SUGCT: variants seen among roughly 807,000 people sequenced by gnomAD.
SUGCT encodes the protein succinyl-CoA:glutarate CoA-transferase.
In SUGCT, 41 loss-of-function variants were observed where a neutral mutation model predicts 55.0. The observed-to-expected ratio is 0.74, with a 90% CI of 0.58 to 0.97. SUGCT has a LOEUF of 0.97. SUGCT is among the 50% of genes least tolerant of loss of function. The probability of loss-of-function intolerance (pLI) is 0.00; values close to 1 mark genes in which losing one functional copy is unlikely to be tolerated. For missense variants in SUGCT, 568 were observed against 547.8 expected (o/e 1.04, Z -0.37); for synonymous variants, 187 against 200.4 (o/e 0.93, Z 0.56).
rs1251264233 is a variant in SUGCT at position 40,274,598 on chromosome 7, T to C, written c.662T>C (p.Ile221Thr). 3 of 1,613,778 alleles carry C rather than the reference T, an allele frequency of 1.9e-6. No homozygotes were observed. Among genetic ancestry groups the C allele is most frequent in the Non-Finnish European group, 2.5e-6 (3 of 1,179,764 alleles). ...TATGGAGCTATTATGGCTGGATTGA[T>C]ACAAAAATACAAAACTGGGAAAGGA... ...YAYGAIMAGL[I>T]QKYKTGKGLF... The change falls in exon 8 of 14, where the codon ATA becomes ACA. Residue 221 changes from isoleucine (I) to threonine (T), a missense_variant. Ile to Thr is a moderately conservative substitution (Grantham distance 89, BLOSUM62 -1). Coordinates refer to ENST00000335693, the MANE Select transcript of SUGCT (RefSeq NM_001193313.2).
chr7:40,839,683 A>G (rs1185137337), intron 13 of SUGCT, among the ~76,000 whole-genome samples: 1 of 150,400 alleles, frequency 6.6e-6, no homozygotes, highest in African/African-American at 2.4e-5. Context: ...TTAAATTTTT[A>G]AGAGTAAACT....
chr7:40,574,623 G>C (rs1796624464), intron 12 of SUGCT, among the ~76,000 whole-genome samples: 1 of 152,112 alleles, frequency 6.6e-6, no homozygotes, highest in African/African-American at 2.4e-5. Flanking sequence ...GTAGAGACAG[G>C]GTTTCACCAT....
intron 8 of SUGCT, among the ~76,000 whole-genome samples, chr7:40,309,002 G>A (rs544044897): frequency 6.6e-5 from 10 of 152,266 alleles, no homozygotes; most frequent in South Asian, 4.1e-4. Flanking sequence ...GTTAGACTCT[G>A]TCTCAAACAA....
intron 9 of SUGCT, among the ~76,000 whole-genome samples, chr7:40,442,712 C>G (rs1788581842): frequency 6.6e-6 from 1 of 151,882 alleles, no homozygotes; most frequent in African/African-American, 2.4e-5. Flanking sequence ...GTCCCAAATT[C>G]TTATAAAAAG....
At chr7:40,899,121 G>A in the SUGCT span, among the ~76,000 whole-genome samples, 27,870 of 152,012 alleles carry the variant, frequency 0.18, 3,877 homozygotes, top group African/African-American at 0.4. Context: ...AGGAGGGAAG[G>A]AGTGAGAGAG....
chr7:40,703,444 G>GGTCA (rs1785257335), intron 12 of SUGCT, among the ~76,000 whole-genome samples: 1 of 152,088 alleles, frequency 6.6e-6, no homozygotes, highest in South Asian at 2.1e-4. Context: ...CCTTTGTGAA[G>GGTCA]GTCACCTCCT....
intron 9 of SUGCT, among the ~76,000 whole-genome samples, chr7:40,442,824 TA>T (rs1181738276): frequency 6.6e-6 from 1 of 152,168 alleles, no homozygotes; most frequent in Non-Finnish European, 1.5e-5. Context: ...CTGCACCCAT[TA>T]ACTCGTCATT....
At chr7:40,742,315 T>C (rs1787504560) in intron 12 of SUGCT, among the ~76,000 whole-genome samples, 1 of 152,184 alleles carries the variant, frequency 6.6e-6, no homozygotes. Flanking sequence ...AAGTCAGCTT[T>C]TACATGTGAT....
At position 40,230,921 on chromosome 7, in the gene SUGCT, GA is replaced by G. The variant is rs1788686554; in HGVS notation, c.485-6713del. ...GTCTCAGTTATAGTTGTAAAAAGGG[GA>G]TAATTCATAGAGTTGTTATATGAAT... On this transcript the variant is annotated intron_variant, in intron 6 of 13. Coordinates refer to ENST00000335693, the MANE Select transcript of SUGCT (RefSeq NM_001193313.2). Among the ~76,000 whole-genome samples the G allele has an allele frequency of 3.3e-5, 5 of 152,236 alleles. No individual in the cohort carries two copies. In the South Asian group the frequency reaches 1.0e-3, roughly 32 times the overall value.
chr7:40,516,144 C>T (rs908685030), intron 12 of SUGCT, among the ~76,000 whole-genome samples: 5 of 151,768 alleles, frequency 3.3e-5, no homozygotes, highest in East Asian at 3.9e-4. Flanking sequence ...GTATTATTGA[C>T]GCGTTGTCTG....
downstream of SUGCT, chr7:40,860,815 C>G (rs554825943): frequency 9.6e-5 from 16 of 167,344 alleles, no homozygotes; most frequent in African/African-American, 3.6e-4. Context: ...CCCCTTACCC[C>G]CCATGCCCTC....
At chr7:40,987,210 C>T in the SUGCT span, among the ~76,000 whole-genome samples, 1 of 151,932 alleles carries the variant, frequency 6.6e-6, no homozygotes, top group East Asian at 2.0e-4. Context: ...GGTCTGAGGG[C>T]GATGCCACTC....
chr7:40,632,908 A>T (rs1344444738), intron 12 of SUGCT, among the ~76,000 whole-genome samples: 2 of 152,116 alleles, frequency 1.3e-5, no homozygotes, highest in African/African-American at 4.8e-5. Context: ...CTGGATACAG[A>T]CTCTATTATA....
intron 10 of SUGCT, among the ~76,000 whole-genome samples, chr7:40,457,793 G>T (rs776476606): frequency 2.0e-4 from 31 of 152,168 alleles, no homozygotes; most frequent in Non-Finnish European, 3.5e-4. Flanking sequence ...GTTGCTGATG[G>T]TGCTTTTTGG....
In SUGCT at chr7:40,188,577, A is replaced by G. The variant is rs1459990059; in HGVS notation, c.309A>G (p.Lys103=). 4 of 1,596,850 alleles carry G rather than the reference A, an allele frequency of 2.5e-6. No individual in the cohort carries two copies. The highest frequency in any genetic ancestry group is 3.4e-6 in the Non-Finnish European group (4 of 1,173,688). ...STYYLSVNRN[K]KSIAVNIKDP... ...ATTATCTCAGTGTTAACCGAAATAA[A>G]AAAGTAAGAATATCATCCCTTTTTT... Residue 103 remains lysine, a synonymous_variant, in exon 4 of 14, where the codon AAA becomes AAG. Transcript: ENST00000335693.
Position 40,390,546 on chromosome 7 carries a change from G to T in SUGCT, c.817-58741G>T, listed in dbSNP as rs566927995. On this transcript the variant is annotated intron_variant, in intron 9 of 13. Coordinates refer to ENST00000335693, the MANE Select transcript of SUGCT (RefSeq NM_001193313.2). ...AACTCCCATTCACAGTTGCTTCAAA[G>T]AGAATAAAATACCTAGGAATCCAAA... is the stretch of plus-strand genomic sequence containing the variant. Among the ~76,000 whole-genome samples, 288 of 152,232 alleles carry T rather than the reference G, an allele frequency of 1.9e-3. 1 individual carries two copies. The highest frequency in any genetic ancestry group is 6.7e-3 in the African/African-American group (279 of 41,542).
At chr7:40,694,334 G>A (rs534940930) in intron 12 of SUGCT, among the ~76,000 whole-genome samples, 1 of 152,314 alleles carries the variant, frequency 6.6e-6, no homozygotes, top group East Asian at 1.9e-4. Context: ...CAGGCTCCTG[G>A]CAAAACCCTG....
chr7:40,655,177 C>T (rs150737018), intron 12 of SUGCT, among the ~76,000 whole-genome samples: 1,625 of 152,032 alleles, frequency 0.011, 20 homozygotes, highest in Middle Eastern at 0.037. Flanking sequence ...GCCTTTAGTC[C>T]CAGCTCCTCA....
chr7:40,951,916 G>A, the SUGCT span, among the ~76,000 whole-genome samples: 2 of 152,288 alleles, frequency 1.3e-5, no homozygotes, highest in South Asian at 2.1e-4. Context: ...ATGCTGAGAA[G>A]AATGTATATT....
Sources: gnomAD v4.1 joint callset for allele counts (sites outside exome capture counted in the v4.1 genomes callset) on GRCh38, gnomAD v4.1.1 for gene constraint, MANE v1.5 for transcripts, NCBI Gene and HGNC (gene_info 2026-07-23, HGNC 2026-07-21) for gene names.